The following FSTL5 variants were observed in gnomAD, a reference collection of about 807,000 sequenced individuals.
FSTL5 encodes follistatin like 5, also known as follistatin-related protein 5.
In FSTL5, 62 loss-of-function variants were observed where a neutral mutation model predicts 89.1. The ratio of observed to expected loss-of-function variants is 0.70; its 90% CI spans 0.57 to 0.86. FSTL5 has a LOEUF of 0.86. Ranked by LOEUF, FSTL5 falls within the 40% of genes least tolerant of loss-of-function variation. The pLI is 0.00. For synonymous variants in FSTL5, 383 were observed against 346.2 expected (o/e 1.11, Z -1.18); for missense variants, 1,057 against 1,001.6 (o/e 1.06, Z -0.75).
intron 1 of FSTL5, among the ~76,000 whole-genome samples, chr4:162,139,692 A>T (rs569283318): frequency 2.0e-5 from 3 of 152,268 alleles, no homozygotes; most frequent in Admixed American, 1.3e-4. Flanking sequence ...ATTAACTATG[A>T]AAAGCCATAC....
At position 161,821,363 on chromosome 4, in the gene FSTL5, C is replaced by T. The variant is rs185511492; in HGVS notation, c.410-45289G>A. On this transcript the variant is annotated intron_variant, in intron 4 of 15. Coordinates refer to ENST00000306100, the MANE Select transcript of FSTL5 (RefSeq NM_020116.5). The stretch of plus-strand genomic sequence containing the variant: ...AGAAACAGGTTTTCTTGAAGGACAA[C>T]GACAAGTTACATGGAGAAGATTCCA... Among the ~76,000 whole-genome samples, 195 of 152,072 alleles carry T rather than the reference C, an allele frequency of 1.3e-3. 1 individual carries two copies. The highest frequency in any genetic ancestry group is 4.1e-3 in the African/African-American group (171 of 41,462).
At chr4:161,516,928 C>T (rs898235488) in intron 10 of FSTL5, among the ~76,000 whole-genome samples, 1 of 152,070 alleles carries the variant, frequency 6.6e-6, no homozygotes, top group African/African-American at 2.4e-5. Flanking sequence ...GACCCATGCT[C>T]TGTTGCCCAG....
At chr4:161,682,635 C>A (rs1326353674) in intron 6 of FSTL5, among the ~76,000 whole-genome samples, 3 of 152,132 alleles carry the variant, frequency 2.0e-5, no homozygotes, top group Admixed American at 2.0e-4. Context: ...ACATCTTGTC[C>A]CACTGGAAGG....
intron 4 of FSTL5, among the ~76,000 whole-genome samples, chr4:161,883,506 G>T (rs1732701876): frequency 6.6e-6 from 1 of 152,048 alleles, no homozygotes; most frequent in Non-Finnish European, 1.5e-5. Context: ...CAAATATAAT[G>T]AAATCTCCCT....
intron 15 of FSTL5, among the ~76,000 whole-genome samples, chr4:161,447,528 G>T (rs1180096731): frequency 6.6e-6 from 1 of 152,080 alleles, no homozygotes; most frequent in Non-Finnish European, 1.5e-5. Context: ...AAGGGAAGCA[G>T]ACAGGGTTCT....
chr4:162,069,681 A>G (rs1379516789), intron 2 of FSTL5, among the ~76,000 whole-genome samples: 2 of 151,820 alleles, frequency 1.3e-5, no homozygotes, highest in African/African-American at 2.4e-5. Context: ...ACTTACTCCA[A>G]TGTCCTCCAG....
intron 1 of FSTL5, among the ~76,000 whole-genome samples, chr4:162,113,085 A>G (rs957595456): frequency 1.3e-5 from 2 of 152,032 alleles, no homozygotes; most frequent in African/African-American, 4.8e-5. Context: ...AGGTTATCTC[A>G]ACATCATCTC....
intron 3 of FSTL5, among the ~76,000 whole-genome samples, chr4:161,987,080 C>T (rs1434571805): frequency 1.3e-5 from 2 of 152,178 alleles, no homozygotes; most frequent in Non-Finnish European, 1.5e-5. Flanking sequence ...GACAGTCACG[C>T]ATTCCCTGCA....
At chr4:161,608,036 G>C (rs193226152) in intron 7 of FSTL5, among the ~76,000 whole-genome samples, 8 of 152,210 alleles carry the variant, frequency 5.3e-5, no homozygotes, top group Non-Finnish European at 1.2e-4. Context: ...CTTTGATACT[G>C]ACTCATTTTA....
intron 6 of FSTL5, among the ~76,000 whole-genome samples, chr4:161,695,887 G>T (rs1738144465): frequency 6.6e-6 from 1 of 152,004 alleles, no homozygotes; most frequent in African/African-American, 2.4e-5. Context: ...ATATTGAGAA[G>T]ATTTTTTCCC....
intron 1 of FSTL5, among the ~76,000 whole-genome samples, chr4:162,142,538 T>C (rs572923392): frequency 6.6e-6 from 1 of 152,250 alleles, no homozygotes; most frequent in South Asian, 2.1e-4. Context: ...AATCGTGATC[T>C]AGAGAGTTTT....
chr4:161,709,674 T>C (rs1204787221), intron 6 of FSTL5, among the ~76,000 whole-genome samples: 2 of 152,088 alleles, frequency 1.3e-5, no homozygotes, highest in Non-Finnish European at 2.9e-5. Flanking sequence ...CACACACCCA[T>C]GGTCCCAGCT....
chr4:161,721,074 C>G (rs1386967346), intron 6 of FSTL5, among the ~76,000 whole-genome samples: 3 of 151,164 alleles, frequency 2.0e-5, no homozygotes, highest in Admixed American at 2.0e-4. Flanking sequence ...GTCAGGAGAT[C>G]GAGACCATCC....
At chr4:161,919,215 G>A (rs1000165497) in intron 4 of FSTL5, among the ~76,000 whole-genome samples, 3 of 152,022 alleles carry the variant, frequency 2.0e-5, no homozygotes, top group Admixed American at 6.5e-5. Context: ...TGAAATCTAA[G>A]TATCTGTTAT....
In FSTL5 at chr4:161,494,729, T is replaced by C. The variant is rs1361564511; in HGVS notation, c.1458+5287A>G. Among the ~76,000 whole-genome samples the C allele has an allele frequency of 2.6e-5, 4 of 152,018 alleles. No individual in the cohort carries two copies. In the East Asian group the frequency reaches 7.7e-4, roughly 29 times the overall value. ...GACTCCCTGTATAAAGTATAATGAG[T>C]TCAGTTCTACAGTTCAGTATCATTT... On this transcript the variant is annotated intron_variant, in intron 12 of 15. Transcript: ENST00000306100.
intron 4 of FSTL5, among the ~76,000 whole-genome samples, chr4:161,822,800 CA>C (rs1371054504): frequency 6.6e-6 from 1 of 152,200 alleles, no homozygotes; most frequent in East Asian, 1.9e-4. Flanking sequence ...GAATGAGGTA[CA>C]TGGACAACTA....
chr4:162,082,666 C>T (rs900564), intron 2 of FSTL5, among the ~76,000 whole-genome samples: 142,896 of 151,384 alleles, frequency 0.94, 67,854 homozygotes, highest in Non-Finnish European at 1. Context: ...CTTAAAGTTA[C>T]TGCATTTATA....
intron 4 of FSTL5, among the ~76,000 whole-genome samples, chr4:161,837,350 A>C (rs1731080008): frequency 1.3e-5 from 2 of 152,144 alleles, no homozygotes; most frequent in South Asian, 4.1e-4. Flanking sequence ...AAAAACCTAT[A>C]GACAATTTAA....
chr4:161,538,045 T>C, intron 10 of FSTL5, 121 bp downstream of exon 10: 1 of 851,894 alleles, frequency 1.2e-6, no homozygotes, highest in Non-Finnish European at 1.8e-6. Context: ...ACGTATAAAA[T>C]CTATTTGTTA....
Sources: gnomAD v4.1 joint callset for allele counts (sites outside exome capture counted in the v4.1 genomes callset) on GRCh38, gnomAD v4.1.1 for gene constraint, MANE v1.5 for transcripts, NCBI Gene and HGNC (gene_info 2026-07-23, HGNC 2026-07-21) for gene names.